Variants in USP53 observed in about 807,000 individuals in gnomAD.
USP53 encodes ubiquitin specific peptidase 53, also known as ubiquitin carboxyl-terminal hydrolase 53.
In USP53, 71 loss-of-function variants were observed where a neutral mutation model predicts 94.9. The observed-to-expected ratio is 0.75, with a 90% CI of 0.62 to 0.91. The LOEUF (loss-of-function observed/expected upper bound fraction) is 0.91, where lower values mean the gene tolerates loss of function less well. Ranked by LOEUF, USP53 falls within the 40% of genes least tolerant of loss-of-function variation. The pLI is 0.00. For synonymous variants in USP53, 375 were observed against 422.7 expected, an observed-to-expected ratio of 0.89 and a Z score of 1.39; for missense variants, 1,173 against 1,281.0, an observed-to-expected ratio of 0.92 and a Z score of 1.29.
At chr4:119,258,540 T>TA (rs1378472898) in intron 9 of USP53, among the ~76,000 whole-genome samples, 2 of 152,214 alleles carry the variant, frequency 1.3e-5, no homozygotes, top group Admixed American at 1.3e-4. Flanking sequence ...AATAAAGACA[T>TA]ACTCAAGACT....
chr4:119,265,257 A>T (rs1266660054), intron 12 of USP53, among the ~76,000 whole-genome samples: 1 of 152,182 alleles, frequency 6.6e-6, no homozygotes, highest in Non-Finnish European at 1.5e-5. Context: ...AGCTATTAAA[A>T]TTTTTTGGTA....
chr4:119,269,222 T>C (rs1473622477), intron 14 of USP53, among the ~76,000 whole-genome samples: 1 of 152,192 alleles, frequency 6.6e-6, no homozygotes, highest in Non-Finnish European at 1.5e-5. Flanking sequence ...AAATAGTATA[T>C]ATGTGTGTAA....
rs1748568046 is a variant in USP53 at position 119,248,687 on chromosome 4, A to G, written c.238-61A>G. The G allele has an allele frequency of 1.1e-5, 17 of 1,568,584 alleles. No individual in the cohort carries two copies. The South Asian group carries it at 1.9e-4, about 18-fold the overall frequency. ...TTTTGAGTTTCTCTGTGTTGTAATGAAATTACTGAAATGTCGTTAAAGCTG... is the reference window on the plus strand; with the variant it reads ...TTTTGAGTTTCTCTGTGTTGTAATGGAATTACTGAAATGTCGTTAAAGCTG... On this transcript the variant is annotated intron_variant, in intron 6 of 18. Coordinates refer to ENST00000692078, the MANE Select transcript of USP53 (RefSeq NM_001371395.1).
chr4:119,262,055 A>G (rs539396510), intron 12 of USP53, among the ~76,000 whole-genome samples, 191 bp downstream of exon 12: 1 of 152,320 alleles, frequency 6.6e-6, no homozygotes, highest in African/African-American at 2.4e-5. Context: ...TTTTGAAGCC[A>G]GCTTTTAAAC....
intron 5 of USP53, among the ~76,000 whole-genome samples, chr4:119,244,418 A>G (rs59511625): frequency 0.018 from 2,695 of 152,298 alleles, 91 homozygotes; most frequent in African/African-American, 0.061. Context: ...GAGATCATGA[A>G]TAGATTTTCT....
rs1301230258 is a variant in USP53 at position 119,268,295 on chromosome 4, C to T, written c.1163C>T (p.Ser388Leu). 1 of 1,611,892 alleles carries T rather than the reference C, an allele frequency of 6.2e-7. No homozygotes were observed. The highest frequency in any genetic ancestry group is 8.5e-7 in the Non-Finnish European group (1 of 1,179,200). The change falls in exon 14 of 19, where the codon TCA becomes TTA. Residue 388 changes from serine (S) to leucine (L), a missense_variant. Transcript: ENST00000692078. The part of the protein sequence containing the change: ...MGCEKPVIHK[S>L]DNLKENGFGD... ...TGTGAAAAGCCTGTAATTCATAAGT[C>T]AGATAATTTAAAAGAAAATGGATTT... is the stretch of plus-strand genomic sequence containing the variant.
At chr4:119,213,647 TA>T (rs1416991503) in intron 1 of USP53, among the ~76,000 whole-genome samples, 40 of 122,868 alleles carry the variant, frequency 3.3e-4, no homozygotes, top group African/African-American at 4.7e-4. Flanking sequence ...AATAGATATA[TA>T]TATATATATA....
Position 119,259,828 on chromosome 4 carries a change from T to G in USP53, c.578T>G (p.Val193Gly). ...TGCTTCTTTTTTTGTAGCAATGAGG[T>G]TGAAAGAATGTTGGAAAGGCATGAA... ...YISTTALCNE[V>G]ERMLERHERF... The change falls in exon 10 of 19, where the codon GTT becomes GGT. Residue 193 changes from valine to glycine, a missense_variant. Coordinates refer to ENST00000692078, the MANE Select transcript of USP53 (RefSeq NM_001371395.1). 1 of 1,609,348 alleles carries G rather than the reference T, an allele frequency of 6.2e-7. No individual in the cohort carries two copies. The highest frequency in any genetic ancestry group is 8.5e-7 in the Non-Finnish European group (1 of 1,177,904).
Position 119,293,023 on chromosome 4 carries a change from G to C in USP53, c.3034G>C (p.Gly1012Arg), listed in dbSNP as rs760608303. ...SSTNDFQANS[G>R]AIDAFCQPEL... ...AACTAACGATTTTCAGGCAAACTCA[G>C]GTGCCATTGATGCATTTTGCCAACC... Residue 1012 changes from glycine (G) to arginine (R), a missense_variant, in exon 19 of 19, where the codon GGT (glycine) becomes CGT (arginine). Transcript: ENST00000692078. The C allele has an allele frequency of 2.5e-6, 4 of 1,613,958 alleles. No individual in the cohort carries two copies. The highest frequency in any genetic ancestry group is 3.4e-6 in the Non-Finnish European group (4 of 1,179,972).
intron 14 of USP53, among the ~76,000 whole-genome samples, chr4:119,268,934 C>A (rs1302309102): frequency 6.6e-6 from 1 of 152,108 alleles, no homozygotes; most frequent in Non-Finnish European, 1.5e-5. Flanking sequence ...TACTGTGTAC[C>A]ATTACAGTTT....
intron 17 of USP53, among the ~76,000 whole-genome samples, chr4:119,282,290 G>A (rs1006088487): frequency 2.0e-5 from 3 of 152,204 alleles, no homozygotes; most frequent in Non-Finnish European, 4.4e-5. Flanking sequence ...GTGTGCAAAT[G>A]TCTGTTTGAG....
Position 119,292,731 on chromosome 4 carries a change from A to G in USP53, c.2742A>G (p.Lys914=). 1 of 1,613,980 alleles carries G rather than the reference A, an allele frequency of 6.2e-7. No individual in the cohort carries two copies. Among genetic ancestry groups the G allele is most frequent in the Non-Finnish European group, 8.5e-7 (1 of 1,179,940 alleles). ...GATCTGATGGGTGTCAGATGCCAAA[A>G]CTTTTTTGCCAGAATCTACCACCCC... ...ASRSDGCQMP[K]LFCQNLPPPL... Residue 914 remains lysine (K), a synonymous_variant, in exon 19 of 19, where the codon AAA becomes AAG. Coordinates refer to ENST00000692078, the MANE Select transcript of USP53 (RefSeq NM_001371395.1).
chr4:119,284,905 A>G (rs1753909969), intron 17 of USP53, among the ~76,000 whole-genome samples: 1 of 151,976 alleles, frequency 6.6e-6, no homozygotes, highest in African/African-American at 2.4e-5. Context: ...TACAGCAGGA[A>G]GCAAGAGAAG....
At chr4:119,254,910 T>A (rs1034141059) in intron 7 of USP53, among the ~76,000 whole-genome samples, 3 of 152,230 alleles carry the variant, frequency 2.0e-5, no homozygotes, top group African/African-American at 7.2e-5. Context: ...TGTTTTGGTG[T>A]GGATGTCCTT....
intron 1 of USP53, among the ~76,000 whole-genome samples, chr4:119,213,532 G>A (rs1743168006): frequency 6.6e-6 from 1 of 151,720 alleles, no homozygotes; most frequent in Non-Finnish European, 1.5e-5. Flanking sequence ...ATCTGAGGAT[G>A]TTTTGAGGTT....
intron 3 of USP53, among the ~76,000 whole-genome samples, chr4:119,230,169 A>G (rs1344955847): frequency 1.3e-5 from 2 of 152,084 alleles, no homozygotes; most frequent in Admixed American, 1.3e-4. Context: ...AACTGAGTTA[A>G]TCTTTTTTGT....
rs1165542737 is a variant in USP53, at chr4:119,269,695, G to C, written c.1293G>C (p.Lys431Asn). The C allele has an allele frequency of 1.4e-6, 2 of 1,439,484 alleles. No homozygotes were observed. Among genetic ancestry groups the C allele is most frequent in the Non-Finnish European group, 1.8e-6 (2 of 1,094,956 alleles). 89.2% of individuals were successfully genotyped at this position (1,439,484 alleles called of 1,614,324 possible). ...TAAGAATGATTTCTTTTACAGCTAA[G>C]TTAAGTCACATTGATCAAAGGGAAA... ...SHTGVGKGPAKLSHIDQREKI... is the reference protein window; with the variant it reads ...SHTGVGKGPANLSHIDQREKI... The change falls in exon 15 of 19, where the codon AAG becomes AAC. Residue 431 changes from lysine to asparagine, a missense_variant. Transcript: ENST00000692078.
intron 3 of USP53, among the ~76,000 whole-genome samples, chr4:119,222,273 TCCATCGC>T (rs1397704336): frequency 6.6e-6 from 1 of 152,234 alleles, no homozygotes; most frequent in African/African-American, 2.4e-5. Flanking sequence ...TGTTGGGATG[TCCATCGC>T]CTTAAGCGTT....
At position 119,273,513 on chromosome 4, in the gene USP53, A is replaced by T; in HGVS notation, c.2175-119A>T. 4.8e-6 allele frequency: 3 copies of T among 629,348 alleles called. 1 individual carries two copies. The South Asian group carries it at 8.1e-5, about 17-fold the overall frequency. The allele number at this position is 629,348 out of a possible 1,614,324, so 39.0% of individuals were successfully genotyped here. On this transcript the variant is annotated intron_variant, in intron 16 of 18. Coordinates refer to ENST00000692078, the MANE Select transcript of USP53 (RefSeq NM_001371395.1). ...TACTTTTAAGTATTAAATAATGTAC[A>T]TTAAGCCCTAGAACAGCACATGGCA...
Sources: allele counts gnomAD v4.1 joint callset (sites outside exome capture counted in the v4.1 genomes callset), GRCh38; gene constraint gnomAD v4.1.1; transcripts MANE v1.5; gene names NCBI Gene and HGNC (gene_info 2026-07-23, HGNC 2026-07-21).